The following PDE11A variants were observed in gnomAD, a reference collection of about 807,000 sequenced individuals.
PDE11A encodes the protein dual 3',5'-cyclic-AMP and -GMP phosphodiesterase 11A.
In PDE11A, 100 loss-of-function variants were observed where a neutral mutation model predicts 100.5. The observed-to-expected ratio is 1.00, with a 90% CI of 0.85 to 1.18. The LOEUF is 1.18. Ranked by LOEUF, PDE11A falls within the 50% of genes most tolerant of loss-of-function variation. PDE11A has a pLI of 0.00. For missense variants in PDE11A, 1,141 were observed against 1,152.6 expected, an observed-to-expected ratio of 0.99 and a Z score of 0.15; for synonymous variants, 381 against 420.8, an observed-to-expected ratio of 0.91 and a Z score of 1.16.
intron 8 of PDE11A, 107 bp downstream of exon 8, chr2:177,817,751 T>C (rs1055037172): frequency 1.6e-4 from 107 of 678,690 alleles, no homozygotes; most frequent in Non-Finnish European, 1.9e-5. Context: ...GCCCTCCATT[T>C]AAGTATAATA....
chr2:177,653,820 G>A (rs1048158054), intron 19 of PDE11A, among the ~76,000 whole-genome samples: 5 of 152,178 alleles, frequency 3.3e-5, no homozygotes, highest in Non-Finnish European at 5.9e-5. Flanking sequence ...AAGCCACCCA[G>A]TTTGCTGTAC....
At chr2:177,750,075 C>T (rs1162466310) in intron 10 of PDE11A, among the ~76,000 whole-genome samples, 2 of 152,140 alleles carry the variant, frequency 1.3e-5, no homozygotes, top group Non-Finnish European at 2.9e-5. Flanking sequence ...TTATTTTAGG[C>T]AGTTAGATAG....
At chr2:178,021,461 C>T (rs190715073) in intron 1 of PDE11A, among the ~76,000 whole-genome samples, 23 of 152,000 alleles carry the variant, frequency 1.5e-4, no homozygotes, top group African/African-American at 1.9e-4. Context: ...ATTAATCTTC[C>T]AATTAAAAAC....
At chr2:177,957,735 CT>C (rs765966648) in intron 2 of PDE11A, among the ~76,000 whole-genome samples, 3 of 151,984 alleles carry the variant, frequency 2.0e-5, no homozygotes, top group Non-Finnish European at 4.4e-5. Context: ...AAATAGTATT[CT>C]TTTTATGATT....
intron 2 of PDE11A, among the ~76,000 whole-genome samples, chr2:177,930,171 C>G (rs2085186844): frequency 6.6e-6 from 1 of 152,146 alleles, no homozygotes; most frequent in African/African-American, 2.4e-5. Context: ...TGCTGCTATT[C>G]ATAAAGTGAC....
At chr2:177,747,345 T>C (rs141828962) in intron 10 of PDE11A, among the ~76,000 whole-genome samples, 77 of 152,344 alleles carry the variant, frequency 5.1e-4, no homozygotes, top group Admixed American at 2.7e-3. Context: ...AAAGACCCTG[T>C]TCTGACCTTG....
At chr2:177,801,424 T>G (rs1324463790) in intron 9 of PDE11A, among the ~76,000 whole-genome samples, 3 of 152,146 alleles carry the variant, frequency 2.0e-5, no homozygotes, top group African/African-American at 7.2e-5. Flanking sequence ...TCAACAAACA[T>G]TTACTCAGTG....
chr2:177,734,453 G>A (rs2081743261), intron 10 of PDE11A, among the ~76,000 whole-genome samples: 1 of 152,122 alleles, frequency 6.6e-6, no homozygotes, highest in Admixed American at 6.5e-5. Context: ...GATCGCGCCT[G>A]TGAATAGGCA....
chr2:178,020,911 GT>G (rs1192595294), intron 1 of PDE11A, among the ~76,000 whole-genome samples: 1 of 144,820 alleles, frequency 6.9e-6, no homozygotes. Flanking sequence ...TTGTTTTTTT[GT>G]TTTTTTGTCT....
At chr2:177,730,845 A>G (rs1403740104) in intron 10 of PDE11A, among the ~76,000 whole-genome samples, 4 of 152,116 alleles carry the variant, frequency 2.6e-5, no homozygotes, top group Non-Finnish European at 5.9e-5. Flanking sequence ...TGTGTACAGT[A>G]CAGTAGTGTT....
chr2:177,625,407 C>G lies in PDE11A; in HGVS notation c.*4000G>C, dbSNP rs942947315. The stretch of plus-strand genomic sequence containing the variant: ...ATTACAGGTTCAGCTGGTGGCCAAG[C>G]TAGGAGGGAGTTCCAGTCTGCTATG... On this transcript the variant is annotated 3_prime_UTR_variant, in exon 20 of 20. Coordinates refer to ENST00000286063, the MANE Select transcript of PDE11A (RefSeq NM_016953.4). The G allele has an allele frequency of 6.6e-6, 1 of 152,560 alleles. No homozygotes were observed. The highest frequency in any genetic ancestry group is 1.5e-5 in the Non-Finnish European group (1 of 68,022). 9.5% of individuals were successfully genotyped at this position (152,560 alleles called of 1,614,324 possible).
intron 4 of PDE11A, among the ~76,000 whole-genome samples, chr2:177,896,236 G>T (rs2084610092): frequency 6.6e-6 from 1 of 152,140 alleles, no homozygotes; most frequent in East Asian, 1.9e-4. Flanking sequence ...ATACCATGAA[G>T]ATACTGCTGT....
intron 1 of PDE11A, among the ~76,000 whole-genome samples, chr2:178,047,544 T>C (rs2086767429): frequency 6.6e-6 from 1 of 151,326 alleles, no homozygotes; most frequent in Non-Finnish European, 1.5e-5. Flanking sequence ...TAAAACAACA[T>C]GCTGTTACAC....
chr2:177,914,169 G>C (rs1433691583), intron 2 of PDE11A, among the ~76,000 whole-genome samples: 1 of 151,982 alleles, frequency 6.6e-6, no homozygotes, highest in Admixed American at 6.6e-5. Flanking sequence ...TTAAAATATG[G>C]CCTCTTTTGC....
intron 19 of PDE11A, among the ~76,000 whole-genome samples, chr2:177,635,705 G>A (rs1015122559): frequency 2.0e-5 from 3 of 152,090 alleles, no homozygotes; most frequent in Admixed American, 6.5e-5. Flanking sequence ...AGTGTCTTGA[G>A]TAGATAATCA....
At chr2:177,701,610 G>GA (rs1464708057) in intron 13 of PDE11A, among the ~76,000 whole-genome samples, 2 of 152,104 alleles carry the variant, frequency 1.3e-5, no homozygotes, top group African/African-American at 4.8e-5. Flanking sequence ...ACGTTCTGAG[G>GA]AAAAAAAGAC....
chr2:177,919,190 C>T (rs562352722), intron 2 of PDE11A, among the ~76,000 whole-genome samples: 6 of 132,290 alleles, frequency 4.5e-5, no homozygotes, highest in South Asian at 2.4e-4. Context: ...CTCCGCCTCC[C>T]GGGTTCAAGC....
chr2:178,055,859 G>T (rs1051679303), intron 1 of PDE11A, among the ~76,000 whole-genome samples: 11 of 152,024 alleles, frequency 7.2e-5, no homozygotes, highest in African/African-American at 2.2e-4. Flanking sequence ...AATAAGAAAT[G>T]CATTCGTAAT....
At chr2:177,727,957 C>T in intron 11 of PDE11A, 69 bp downstream of exon 11, 4 of 1,369,032 alleles carry the variant, frequency 2.9e-6, no homozygotes, top group Non-Finnish European at 4.2e-6. Context: ...TTTGGGAAAC[C>T]AGTGGTTCAG....
Sources: allele counts gnomAD v4.1 joint callset (sites outside exome capture counted in the v4.1 genomes callset), GRCh38; gene constraint gnomAD v4.1.1; transcripts MANE v1.5; gene names NCBI Gene and HGNC (gene_info 2026-07-23, HGNC 2026-07-21).